Variants in LRRC1 observed in about 807,000 individuals in gnomAD.
LRRC1 encodes the protein leucine rich repeat containing 1.
In LRRC1, 28 loss-of-function variants were observed where a neutral mutation model predicts 69.9. That is an observed-to-expected ratio of 0.40 (90% CI 0.30 to 0.55). The LOEUF is 0.55. Ranked by LOEUF, LRRC1 falls within the 20% of genes least tolerant of loss-of-function variation. LRRC1 has a pLI of 0.47. For synonymous variants in LRRC1, 236 were observed against 240.2 expected (o/e 0.98, Z 0.16); for missense variants, 498 against 609.0 (o/e 0.82, Z 1.92).
chr6:53,795,371 G>A lies in LRRC1; in HGVS notation c.115G>A (p.Glu39Lys). The A allele has an allele frequency of 6.2e-7, 1 of 1,613,712 alleles. No individual in the cohort carries two copies. The highest frequency in any genetic ancestry group is 8.5e-7 in the Non-Finnish European group (1 of 1,179,990). ...EEIYRYARSL[E>K]ELLLDANQLR... ...GATCTACCGCTATGCCCGGAGCCTG[G>A]AGGAGCTGCTGCTGGACGCCAACCA... Residue 39 changes from glutamate (E) to lysine (K), a missense_variant, in exon 1 of 14, where the codon GAG becomes AAG. By Grantham distance (56) the Glu-to-Lys change is moderately conservative. Around this residue, in one of 3 missense-constraint regions of LRRC1, gnomAD observed 70 missense variants for 62.1 expected, o/e 1.13. Transcript: ENST00000370888.
chr6:53,897,595 A>G (rs573881813), intron 7 of LRRC1, among the ~76,000 whole-genome samples: 1 of 152,294 alleles, frequency 6.6e-6, no homozygotes, highest in South Asian at 2.1e-4. Context: ...TTTAGTTTGT[A>G]AAATCTGTAT....
At chr6:53,814,584 A>C (rs1764896783) in intron 1 of LRRC1, among the ~76,000 whole-genome samples, 1 of 152,254 alleles carries the variant, frequency 6.6e-6, no homozygotes, top group African/African-American at 2.4e-5. Context: ...GGTTGGTCCA[A>C]GCAAGAAGGT....
intron 1 of LRRC1, among the ~76,000 whole-genome samples, chr6:53,796,489 C>T (rs894635574): frequency 5.9e-5 from 9 of 152,208 alleles, no homozygotes; most frequent in African/African-American, 2.2e-4. Flanking sequence ...ACGCAAACTT[C>T]TTGTTGCCCT....
At chr6:53,863,239 CCCTT>C (rs899817608) in intron 2 of LRRC1, among the ~76,000 whole-genome samples, 9 of 152,158 alleles carry the variant, frequency 5.9e-5, no homozygotes, top group African/African-American at 2.2e-4. Flanking sequence ...TGCCCTGTGG[CCCTT>C]CCTCCCTGCC....
At chr6:53,918,342 G>T (rs1366804390) in intron 11 of LRRC1, among the ~76,000 whole-genome samples, 1 of 152,276 alleles carries the variant, frequency 6.6e-6, no homozygotes, top group African/African-American at 2.4e-5. Context: ...TTAAGGAAAA[G>T]AAAATATTTT....
chr6:53,920,402 TA>T (rs1768701018), intron 12 of LRRC1: 1 of 486,526 alleles, frequency 2.1e-6, no homozygotes. Context: ...TATACATCAT[TA>T]AAAAAGAAGG....
intron 1 of LRRC1, among the ~76,000 whole-genome samples, chr6:53,805,525 A>G (rs1764613904): frequency 2.0e-5 from 3 of 152,184 alleles, no homozygotes. Flanking sequence ...CTCTTACTTG[A>G]AGATGAAGTA....
At chr6:53,854,522 C>G (rs1766248345) in intron 2 of LRRC1, among the ~76,000 whole-genome samples, 1 of 152,136 alleles carries the variant, frequency 6.6e-6, no homozygotes, top group African/African-American at 2.4e-5. Flanking sequence ...ATTATATTAT[C>G]TCATTTAATC....
Position 53,879,090 on chromosome 6 carries a change from T to C in LRRC1, c.356+19T>C. 5 of 1,573,142 alleles carry C rather than the reference T, an allele frequency of 3.2e-6. No homozygotes were observed. In the South Asian group the frequency reaches 5.6e-5, roughly 18 times the overall value. ...TGACTAGGTAAGCTTTCTGCTTACT[T>C]TTCTGTCTATACTAGTAAGAGTATC... On this transcript the variant is annotated intron_variant, in intron 3 of 13. Transcript: ENST00000370888.
chr6:53,845,635 A>G (rs750438959), intron 2 of LRRC1, among the ~76,000 whole-genome samples: 2 of 152,156 alleles, frequency 1.3e-5, no homozygotes, highest in Non-Finnish European at 2.9e-5. Flanking sequence ...GACCTTCCTT[A>G]GTTCTTGATT....
In LRRC1 at chr6:53,913,977, T is replaced by C. The variant is rs539340435; in HGVS notation, c.1106+8T>C. The C allele has an allele frequency of 6.3e-7, 1 of 1,592,100 alleles. No homozygotes were observed. The highest frequency in any genetic ancestry group is 2.3e-5 in the East Asian group (1 of 44,408). ...GGATGTGGCAGGGAACAGGTAAGCC[T>C]GTTGTAGTTTGCTTTGCTTGAGGGA... On this transcript the variant is annotated splice_region_variant and intron_variant, in intron 11 of 13. Transcript: ENST00000370888.
At chr6:53,881,844 G>C (rs983503467) in intron 3 of LRRC1, among the ~76,000 whole-genome samples, 1 of 152,086 alleles carries the variant, frequency 6.6e-6, no homozygotes, top group African/African-American at 2.4e-5. Context: ...TTTGCCTTTA[G>C]TTAGGTTTTC....
At chr6:53,821,150 C>G (rs1765103755) in intron 1 of LRRC1, among the ~76,000 whole-genome samples, 1 of 152,200 alleles carries the variant, frequency 6.6e-6, no homozygotes, top group Admixed American at 6.5e-5. Context: ...CTGTTCAGCT[C>G]TCACTGCAGA....
At chr6:53,846,296 GGA>G (rs1179620114) in intron 2 of LRRC1, among the ~76,000 whole-genome samples, 1 of 152,202 alleles carries the variant, frequency 6.6e-6, no homozygotes, top group Non-Finnish European at 1.5e-5. Flanking sequence ...CAGTGCTTAT[GGA>G]TTATCTAAGC....
intron 1 of LRRC1, among the ~76,000 whole-genome samples, chr6:53,797,766 A>T (rs1370422112): frequency 1.3e-5 from 2 of 152,216 alleles, no homozygotes; most frequent in African/African-American, 4.8e-5. Context: ...AAGGCCTGCA[A>T]CTTCTGGTTT....
chr6:53,917,407 A>G (rs1364463283), intron 11 of LRRC1, among the ~76,000 whole-genome samples: 3 of 152,270 alleles, frequency 2.0e-5, no homozygotes, highest in East Asian at 3.9e-4. Context: ...GTTTCAGGCA[A>G]CTCATTAATT....
intron 2 of LRRC1, among the ~76,000 whole-genome samples, chr6:53,872,743 T>C (rs574615450): frequency 1.2e-3 from 185 of 150,772 alleles, no homozygotes; most frequent in Non-Finnish European, 1.3e-3. Context: ...TTTAACAATT[T>C]TCTTTTCTCT....
intron 1 of LRRC1, 60 bp from the exon 2 acceptor site, chr6:53,842,050 G>C (rs1765805277): frequency 9.5e-7 from 1 of 1,055,094 alleles, no homozygotes; most frequent in Admixed American, 1.9e-5. Flanking sequence ...TTTCATAGTA[G>C]CCCAAAAGTT....
At chr6:53,919,336 A>C (rs1768666820) in intron 11 of LRRC1, 162 bp from the exon 12 acceptor site, 1 of 482,816 alleles carries the variant, frequency 2.1e-6, no homozygotes, top group Admixed American at 4.1e-5. Context: ...ATCCACTTGC[A>C]AAGAGTATGT....
Sources: allele counts gnomAD v4.1 joint callset (sites outside exome capture counted in the v4.1 genomes callset), GRCh38; gene constraint gnomAD v4.1.1; regional missense constraint gnomAD v4.1.1; transcripts MANE v1.5; gene names NCBI Gene and HGNC (gene_info 2026-07-23, HGNC 2026-07-21).